PCDHGA11: variants seen among roughly 807,000 people sequenced by gnomAD.
PCDHGA11 encodes the protein protocadherin gamma subfamily A, 11.
A neutral mutation model predicts 60.4 loss-of-function variants in PCDHGA11; 39 were observed. The observed-to-expected ratio is 0.65, with a 90% CI of 0.50 to 0.84. The LOEUF is 0.84. Among genes scored for constraint, PCDHGA11 ranks in the 40% least tolerant of loss-of-function variants. The pLI is 0.00. For synonymous variants in PCDHGA11, 533 were observed against 510.3 expected, an observed-to-expected ratio of 1.04 and a Z score of -0.60; for missense variants, 1,165 against 1,197.7, an observed-to-expected ratio of 0.97 and a Z score of 0.40.
chr5:141,423,497 AG>A lies in PCDHGA11; in HGVS notation c.2272del (p.Val758SerfsTer12), dbSNP rs1269176785. The A allele has an allele frequency of 6.2e-7, 1 of 1,613,940 alleles. No individual in the cohort carries two copies. The highest frequency in any genetic ancestry group is 8.5e-7 in the Non-Finnish European group (1 of 1,179,922). On this transcript the variant is annotated frameshift_variant, in exon 1 of 4. Transcript: ENST00000398587. LOFTEE classifies it high-confidence loss of function. ...GCTTTCCTGCAAACCTATTCCCACG[AG>A]GTCTCTCTCATTGCGGACTCGCAGA... ...VQAFLQTYSHEVSLIADSQKS... is the reference protein window; with the variant it reads ...VQAFLQTYSHXVSLIADSQKS...
rs753017439 is a variant in PCDHGA11 at position 141,422,397 on chromosome 5, C to T, written c.1170C>T (p.His390=). ...NGQVSCFIPN[H]LPFKLEKTYG... ...AAGTCTCCTGTTTTATTCCTAACCA[C>T]CTGCCTTTTAAATTAGAAAAGACTT... Residue 390 remains histidine (H), a synonymous_variant, in exon 1 of 4, where the codon CAC becomes CAT. Coordinates refer to ENST00000398587, the MANE Select transcript of PCDHGA11 (RefSeq NM_018914.3). The T allele has an allele frequency of 2.5e-6, 4 of 1,597,606 alleles. No individual in the cohort carries two copies. Among genetic ancestry groups the T allele is most frequent in the East Asian group, 4.5e-5 (2 of 44,816 alleles).
intron 1 of PCDHGA11, among the ~76,000 whole-genome samples, chr5:141,463,438 CTTTTT>C (rs71576115): frequency 7.7e-5 from 8 of 103,256 alleles, no homozygotes; most frequent in African/African-American, 2.7e-4. Flanking sequence ...TTTCCTTCTC[CTTTTT>C]TTTTTTTTTT....
intron 1 of PCDHGA11, among the ~76,000 whole-genome samples, chr5:141,463,135 C>T (rs1352400365): frequency 6.6e-6 from 1 of 152,246 alleles, no homozygotes; most frequent in Middle Eastern, 3.4e-3. Context: ...GGCAGTTCTT[C>T]GCCCAGCTGC....
chr5:141,489,713 A>G lies in PCDHGA11; in HGVS notation c.2434-5094A>G. On this transcript the variant is annotated intron_variant, in intron 1 of 3. Coordinates refer to ENST00000398587, the MANE Select transcript of PCDHGA11 (RefSeq NM_018914.3). The surrounding 1 kb of genome is among the most constrained non-coding windows in gnomAD (Gnocchi z 4.5). The stretch of plus-strand genomic sequence containing the variant: ...GCACGATTCCCACTGGACAGTGCCC[A>G]GGATCCGGATGTGGGCACCAATACT... 1.9e-6 allele frequency: 3 copies of G among 1,614,162 alleles called. No individual in the cohort carries two copies. The highest frequency in any genetic ancestry group is 2.5e-6 in the Non-Finnish European group (3 of 1,179,968).
At position 141,431,438 on chromosome 5, in the gene PCDHGA11, C is replaced by G. The variant is rs773812765; in HGVS notation, c.2433+7778C>G. The G allele has an allele frequency of 3.9e-5, 63 of 1,613,612 alleles. No homozygotes were observed. In the East Asian group the frequency reaches 1.4e-3, roughly 35 times the overall value. ...CGACCCGGTGCGCACAGGCACCGCG[C>G]GCATCCGCGTGATGGTTCTGGATGC... is the stretch of plus-strand genomic sequence containing the variant. On this transcript the variant is annotated intron_variant, in intron 1 of 3. Coordinates refer to ENST00000398587, the MANE Select transcript of PCDHGA11 (RefSeq NM_018914.3). The surrounding 1 kb of genome is among the most constrained non-coding windows in gnomAD (Gnocchi z 4.8).
chr5:141,490,990 C>A lies in PCDHGA11; in HGVS notation c.2434-3817C>A, dbSNP rs1230384508. On this transcript the variant is annotated intron_variant, in intron 1 of 3. Transcript: ENST00000398587. The surrounding 1 kb of genome is among the most constrained non-coding windows in gnomAD (Gnocchi z 5.4). ...CCCCCAGCGTCTCCCTCGCTCTGCTCCTCCTGGCTCCTTGGTCACCAAGGT... is the reference window on the plus strand; with the variant it reads ...CCCCCAGCGTCTCCCTCGCTCTGCTACTCCTGGCTCCTTGGTCACCAAGGT... The A allele has an allele frequency of 6.2e-7, 1 of 1,614,102 alleles. No homozygotes were observed. The highest frequency in any genetic ancestry group is 8.5e-7 in the Non-Finnish European group (1 of 1,180,022).
At chr5:141,441,962 G>A in intron 1 of PCDHGA11, 1 of 313,768 alleles carries the variant, frequency 3.2e-6, no homozygotes, top group Admixed American at 4.1e-5. Context: ...AGCAAGCCCA[G>A]GCTCTTCAGC....
intron 3 of PCDHGA11, 44 bp downstream of exon 3, chr5:141,505,525 G>C: frequency 1.2e-6 from 2 of 1,612,490 alleles, no homozygotes; most frequent in Non-Finnish European, 1.7e-6. Flanking sequence ...GAGACCTGGG[G>C]TTCTGGGGTG....
Position 141,481,023 on chromosome 5 carries a change from A to G in PCDHGA11, c.2434-13784A>G, listed in dbSNP as rs546827260. On this transcript the variant is annotated intron_variant, in intron 1 of 3. Transcript: ENST00000398587. ...CAGTGAGCCCAGATCACACCACTGC[A>G]CTCCAGCCTGGGCGACAGAGCGAGA... Among the ~76,000 whole-genome samples the G allele has an allele frequency of 9.0e-4, 137 of 152,218 alleles. 1 individual carries two copies. The highest frequency in any genetic ancestry group is 3.2e-3 in the African/African-American group (132 of 41,516).
intron 1 of PCDHGA11, among the ~76,000 whole-genome samples, chr5:141,437,164 T>C (rs1262289843): frequency 1.3e-5 from 2 of 152,226 alleles, no homozygotes; most frequent in Non-Finnish European, 2.9e-5. Flanking sequence ...GTGTTGATTG[T>C]TTTCTGAGAC....
In PCDHGA11 at chr5:141,487,169, G is replaced by A. The variant is rs1259980100; in HGVS notation, c.2434-7638G>A. On this transcript the variant is annotated intron_variant, in intron 1 of 3. Coordinates refer to ENST00000398587, the MANE Select transcript of PCDHGA11 (RefSeq NM_018914.3). The surrounding 1 kb of genome is among the most constrained non-coding windows in gnomAD (Gnocchi z 5.0). ...CTCTGTTACTCTCTTAGTGTCCTTA[G>A]AGGAAGACACTCATCCAGTTGTCCC... 6.2e-7 allele frequency: 1 copy of A among 1,613,086 alleles called. No homozygotes were observed. Among genetic ancestry groups the A allele is most frequent in the South Asian group, 1.1e-5 (1 of 91,072 alleles).
At chr5:141,470,227 C>A (rs1387947362) in intron 1 of PCDHGA11, among the ~76,000 whole-genome samples, 1 of 152,160 alleles carries the variant, frequency 6.6e-6, no homozygotes, top group Non-Finnish European at 1.5e-5. Flanking sequence ...AGCTTCTTCA[C>A]CAAACCCTTG....
In PCDHGA11 at chr5:141,476,853, A is replaced by G; in HGVS notation, c.2434-17954A>G. ...AATGACAATGCGCCTGTCTTCAACCAGTCCTTGTACCGGGCGCGCGTCCTG... is the reference window on the plus strand; with the variant it reads ...AATGACAATGCGCCTGTCTTCAACCGGTCCTTGTACCGGGCGCGCGTCCTG... On this transcript the variant is annotated intron_variant, in intron 1 of 3. Coordinates refer to ENST00000398587, the MANE Select transcript of PCDHGA11 (RefSeq NM_018914.3). This position sits in a 1 kb window ranked among gnomAD's most constrained non-coding sequence, Gnocchi z 7.6. The G allele has an allele frequency of 6.2e-7, 1 of 1,613,870 alleles. No individual in the cohort carries two copies. Among genetic ancestry groups the G allele is most frequent in the Non-Finnish European group, 8.5e-7 (1 of 1,180,042 alleles).
chr5:141,475,721 G>C (rs867365261), intron 1 of PCDHGA11, among the ~76,000 whole-genome samples: 5 of 152,248 alleles, frequency 3.3e-5, no homozygotes, highest in Non-Finnish European at 7.3e-5. Context: ...ACAGCCCCAA[G>C]GCTGGCTTTC....
chr5:141,487,314 A>G lies in PCDHGA11; in HGVS notation c.2434-7493A>G. ...GGCTCATTCGTGGCACTACTCTCTAAGTGTCTTCGTGGGGCAGCCTGTGGA... is the reference window on the plus strand; with the variant it reads ...GGCTCATTCGTGGCACTACTCTCTAGGTGTCTTCGTGGGGCAGCCTGTGGA... On this transcript the variant is annotated intron_variant, in intron 1 of 3. Transcript: ENST00000398587. The surrounding 1 kb of genome is among the most constrained non-coding windows in gnomAD (Gnocchi z 5.0). The G allele has an allele frequency of 6.2e-7, 1 of 1,614,002 alleles. No individual in the cohort carries two copies. Among genetic ancestry groups the G allele is most frequent in the African/African-American group, 1.3e-5 (1 of 74,994 alleles).
chr5:141,428,446 T>C lies in PCDHGA11; in HGVS notation c.2433+4786T>C, dbSNP rs575475897. On this transcript the variant is annotated intron_variant, in intron 1 of 3. Coordinates refer to ENST00000398587, the MANE Select transcript of PCDHGA11 (RefSeq NM_018914.3). The stretch of plus-strand genomic sequence containing the variant: ...CTGTTCTAAGACTAGACCAGGGGTT[T>C]TTCCCAACTACAATGAGGGAACTTT... 4.2e-5 allele frequency: 16 copies of C among 378,218 alleles called. No homozygotes were observed. The East Asian group carries it at 8.8e-4, about 21-fold the overall frequency. 23.4% of individuals were successfully genotyped at this position (378,218 alleles called of 1,614,324 possible). A position where few individuals can be genotyped will look rare whatever the true frequency, so the allele number is the denominator to read the frequency against.
intron 1 of PCDHGA11, among the ~76,000 whole-genome samples, chr5:141,473,431 G>T (rs541546681): frequency 3.3e-5 from 5 of 152,148 alleles, no homozygotes; most frequent in Non-Finnish European, 7.3e-5. Flanking sequence ...CAGATACTTT[G>T]CTTATGCAAA....
chr5:141,423,454 G>C lies in PCDHGA11; in HGVS notation c.2227G>C (p.Gly743Arg), dbSNP rs1323921797. The part of the protein sequence containing the change: ...LAGMPTSHFV[G>R]VDGVQAFLQT... ...AGGTATGCCCACGTCACATTTTGTA[G>C]GCGTGGACGGGGTACAGGCTTTCCT... Residue 743 changes from glycine to arginine, a missense_variant, in exon 1 of 4, where the codon GGC becomes CGC. Coordinates refer to ENST00000398587, the MANE Select transcript of PCDHGA11 (RefSeq NM_018914.3). The C allele has an allele frequency of 1.9e-6, 3 of 1,614,030 alleles. No homozygotes were observed. Among genetic ancestry groups the C allele is most frequent in the Non-Finnish European group, 2.5e-6 (3 of 1,179,956 alleles).
chr5:141,431,748 G>T lies in PCDHGA11; in HGVS notation c.2433+8088G>T. 1 of 1,614,196 alleles carries T rather than the reference G, an allele frequency of 6.2e-7. No homozygotes were observed. Among genetic ancestry groups the T allele is most frequent in the Non-Finnish European group, 8.5e-7 (1 of 1,180,042 alleles). Reference sequence around the variant, plus strand: ...ATGGATAATGCAGGATATTCTGCGCGAGCCAAAGTCCTGATCACTGTTCTG... The same window carrying T: ...ATGGATAATGCAGGATATTCTGCGCTAGCCAAAGTCCTGATCACTGTTCTG... On this transcript the variant is annotated intron_variant, in intron 1 of 3. Transcript: ENST00000398587. This position sits in a 1 kb window ranked among gnomAD's most constrained non-coding sequence, Gnocchi z 4.8.
Sources: gnomAD v4.1 joint callset for allele counts (sites outside exome capture counted in the v4.1 genomes callset) on GRCh38, gnomAD v4.1.1 for gene constraint, Gnocchi (gnomAD v3.1) non-coding constraint, MANE v1.5 for transcripts, NCBI Gene and HGNC (gene_info 2026-07-23, HGNC 2026-07-21) for gene names.